SERINC5: variants seen among roughly 807,000 people sequenced by gnomAD.
SERINC5 encodes the protein serine incorporator 5.
SERINC5 carries 41 observed loss-of-function variants against 63.1 expected under a neutral mutation model. That is an observed-to-expected ratio of 0.65 (90% confidence interval 0.51 to 0.84). The LOEUF (loss-of-function observed/expected upper bound fraction) is 0.84. Among genes scored for constraint, SERINC5 ranks in the 40% least tolerant of loss-of-function variants. The probability of loss-of-function intolerance (pLI) is 0.00; values close to 1 mark genes in which losing one functional copy is unlikely to be tolerated. For synonymous variants in SERINC5, 222 were observed against 215.2 expected (o/e 1.03, Z -0.28); for missense variants, 523 against 573.0 (o/e 0.91, Z 0.89).
intron 1 of SERINC5, among the ~76,000 whole-genome samples, chr5:80,230,779 CTCTTTCTT>C (rs35523095): frequency 4.0e-5 from 6 of 149,950 alleles, no homozygotes; most frequent in African/African-American, 7.5e-5. Flanking sequence ...TATAATTTCT[CTCTTTCTT>C]TCTTTCTTTC....
At chr5:80,232,348 G>A (rs1751485498) in intron 1 of SERINC5, among the ~76,000 whole-genome samples, 1 of 151,168 alleles carries the variant, frequency 6.6e-6, no homozygotes, top group Non-Finnish European at 1.5e-5. Flanking sequence ...AGCTTGCAGT[G>A]AGCTGAGATC....
chr5:80,134,559 T>C (rs1163762550), downstream of SERINC5, among the ~76,000 whole-genome samples: 1 of 152,138 alleles, frequency 6.6e-6, no homozygotes, highest in Non-Finnish European at 1.5e-5. Context: ...CCTTCCAAAA[T>C]TAGTTCAGCC....
intron 1 of SERINC5, among the ~76,000 whole-genome samples, chr5:80,238,103 CAAAAAAAA>C (rs759062486): frequency 1.1e-4 from 7 of 65,676 alleles, no homozygotes; most frequent in African/African-American, 3.4e-4. Flanking sequence ...GACTCTGTCT[CAAAAAAAA>C]AAAAAAAAAA....
At chr5:80,206,877 G>T (rs1267500967) in intron 1 of SERINC5, among the ~76,000 whole-genome samples, 2 of 142,766 alleles carry the variant, frequency 1.4e-5, no homozygotes, top group Non-Finnish European at 3.0e-5. Context: ...TCAAACTCCT[G>T]GGCTCAAGTA....
intron 1 of SERINC5, among the ~76,000 whole-genome samples, chr5:80,205,573 G>A (rs1392728715): frequency 2.6e-5 from 4 of 152,160 alleles, no homozygotes; most frequent in Non-Finnish European, 5.9e-5. Flanking sequence ...TTGGGTTAAT[G>A]AGTAGGACGT....
At chr5:80,221,440 TGA>T (rs1750901570) in intron 1 of SERINC5, among the ~76,000 whole-genome samples, 1 of 152,144 alleles carries the variant, frequency 6.6e-6, no homozygotes, top group African/African-American at 2.4e-5. Context: ...AAGGGAATCA[TGA>T]GAGACTAGCA....
At position 80,174,941 on chromosome 5, in the gene SERINC5, T is replaced by C. The variant is rs758854398; in HGVS notation, c.551+13A>G. ...CTGTGAGTCAATGGGAAGCTTTCCA[T>C]AAAGGCACACACCAGTTCTTGTTCC... On this transcript the variant is annotated intron_variant, in intron 5 of 11. Transcript: ENST00000507668. 1.9e-6 allele frequency: 3 copies of C among 1,568,868 alleles called. No individual in the cohort carries two copies. Among genetic ancestry groups the C allele is most frequent in the South Asian group, 2.3e-5 (2 of 85,600 alleles).
At chr5:80,202,424 T>C (rs897417701) in intron 2 of SERINC5, among the ~76,000 whole-genome samples, 1 of 152,002 alleles carries the variant, frequency 6.6e-6, no homozygotes, top group Non-Finnish European at 1.5e-5. Flanking sequence ...TGTCCAATGA[T>C]GGACAATGAT....
intron 1 of SERINC5, among the ~76,000 whole-genome samples, chr5:80,239,467 CTT>C (rs35238009): frequency 0.031 from 4,170 of 133,866 alleles, 132 homozygotes; most frequent in African/African-American, 0.084. Context: ...CACTGGGATT[CTT>C]TTTTTTTTTT....
intron 1 of SERINC5, among the ~76,000 whole-genome samples, chr5:80,254,686 T>A (rs1472949640): frequency 2.0e-5 from 3 of 152,214 alleles, no homozygotes; most frequent in Non-Finnish European, 2.9e-5. Flanking sequence ...GTGACCATTC[T>A]CATTCTCTTT....
At position 80,170,041 on chromosome 5, in the gene SERINC5, G is replaced by A. The variant is rs141945790; in HGVS notation, c.552-495C>T. ...AAAGGGGGCAGGTGGTGAGGCAAACGTGACATTCCCCTGAGATTTTAACTA... is the reference window on the plus strand; with the variant it reads ...AAAGGGGGCAGGTGGTGAGGCAAACATGACATTCCCCTGAGATTTTAACTA... On this transcript the variant is annotated intron_variant, in intron 5 of 11. Coordinates refer to ENST00000507668, the MANE Select transcript of SERINC5 (RefSeq NM_001174072.3). 3.3e-3 allele frequency among the ~76,000 whole-genome samples: 498 copies of A among 152,230 alleles called. 1 individual carries two copies. The highest frequency in any genetic ancestry group is 0.01 in the Middle Eastern group (3 of 292).
At chr5:80,180,211 A>G (rs944851426) in intron 2 of SERINC5, among the ~76,000 whole-genome samples, 2 of 152,240 alleles carry the variant, frequency 1.3e-5, no homozygotes, top group Non-Finnish European at 2.9e-5. Flanking sequence ...AACAAGCAGC[A>G]CATTCCTAGT....
In SERINC5 at chr5:80,146,207, T is replaced by G; in HGVS notation, c.1121A>C (p.Glu374Ala). The change falls in exon 11 of 12, where the codon GAG becomes GCG. Residue 374 changes from glutamate to alanine, a missense_variant. Physicochemically the swap from Glu to Ala is moderately radical, Grantham distance 107. Coordinates refer to ENST00000507668, the MANE Select transcript of SERINC5 (RefSeq NM_001174072.3). Reference protein sequence around the residue: ...EDTEEQQPGKEGPRVIYDEKK... With the variant: ...EDTEEQQPGKAGPRVIYDEKK... The stretch of plus-strand genomic sequence containing the variant: ...CTCGTCATAAATGACCCGTGGTCCC[T>G]CCTTCCCCGGCTGCTGCTCTTCAGT... 6.2e-7 allele frequency: 1 copy of G among 1,614,008 alleles called. No individual in the cohort carries two copies. Among genetic ancestry groups the G allele is most frequent in the Non-Finnish European group, 8.5e-7 (1 of 1,179,870 alleles).
chr5:80,252,945 G>A (rs899679141), intron 1 of SERINC5, among the ~76,000 whole-genome samples: 2 of 152,116 alleles, frequency 1.3e-5, no homozygotes, highest in African/African-American at 2.4e-5. Context: ...AACTTCTCCC[G>A]ACCTAAATAC....
intron 1 of SERINC5, among the ~76,000 whole-genome samples, chr5:80,213,374 A>G (rs902297328): frequency 3.9e-5 from 6 of 152,130 alleles, no homozygotes; most frequent in Admixed American, 6.6e-5. Context: ...AATCATCCCT[A>G]TTTTACAGAG....
intron 11 of SERINC5, among the ~76,000 whole-genome samples, chr5:80,133,201 C>T (rs1240661993): frequency 6.6e-6 from 1 of 152,176 alleles, no homozygotes; most frequent in Non-Finnish European, 1.5e-5. Flanking sequence ...GAGCAGATGC[C>T]AGTACCAATG....
At position 80,141,715 on chromosome 5, in the gene SERINC5, T is replaced by A; in HGVS notation, c.*1948A>T. 6.1e-6 allele frequency: 6 copies of A among 985,554 alleles called. No individual in the cohort carries two copies. Among genetic ancestry groups the A allele is most frequent in the Non-Finnish European group, 7.2e-6 (6 of 830,018 alleles). 61.1% of individuals were successfully genotyped at this position (985,554 alleles called of 1,614,324 possible). On this transcript the variant is annotated 3_prime_UTR_variant, in exon 12 of 12. Coordinates refer to ENST00000507668, the MANE Select transcript of SERINC5 (RefSeq NM_001174072.3). ...GCCCACGGAACTCCTGTCCCCTAAC[T>A]GATTCCTCAGGTTAGAACACGGCTT...
chr5:80,169,886 C>T (rs1355042401), intron 5 of SERINC5, among the ~76,000 whole-genome samples: 2 of 152,164 alleles, frequency 1.3e-5, no homozygotes, highest in Admixed American at 6.5e-5. Flanking sequence ...CCGAGGTGTA[C>T]TGAGCCAGAG....
chr5:80,134,506 A>AAAC (rs554639800), downstream of SERINC5, among the ~76,000 whole-genome samples: 10 of 152,140 alleles, frequency 6.6e-5, no homozygotes, highest in African/African-American at 2.4e-4. Flanking sequence ...AAAACAAAAT[A>AAAC]AACAACAACA....
Sources: allele counts gnomAD v4.1 joint callset (sites outside exome capture counted in the v4.1 genomes callset), GRCh38; gene constraint gnomAD v4.1.1; transcripts MANE v1.5; gene names NCBI Gene and HGNC (gene_info 2026-07-23, HGNC 2026-07-21).